Variants in CD8B2 observed in about 807,000 individuals in gnomAD.
The protein encoded by CD8B2 is CD8B family member 2, also known as T-cell surface glycoprotein CD8 beta-2 chain.
Under a neutral mutation model 23.7 loss-of-function variants are expected in CD8B2, and 11 were observed. The ratio of observed to expected loss-of-function variants is 0.46; its 90% CI spans 0.29 to 0.77. The LOEUF (loss-of-function observed/expected upper bound fraction) is 0.77. Ranked by LOEUF, CD8B2 falls within the 30% of genes least tolerant of loss-of-function variation. The pLI is 0.09. For synonymous variants in CD8B2, 90 were observed against 109.3 expected (o/e 0.82, Z 1.10); for missense variants, 197 against 270.5 (o/e 0.73, Z 1.91).
chr2:106,518,712 T>A (rs1354063579), intron 5 of CD8B2, among the ~76,000 whole-genome samples: 1 of 151,050 alleles, frequency 6.6e-6, no homozygotes, highest in Non-Finnish European at 1.5e-5. Flanking sequence ...GCTCCATCTA[T>A]CCTTTCTCCC....
At chr2:106,517,904 C>CG (rs1321695911) in intron 5 of CD8B2, among the ~76,000 whole-genome samples, 2 of 151,996 alleles carry the variant, frequency 1.3e-5, no homozygotes, top group Admixed American at 6.5e-5. Context: ...TTAGTAGAGA[C>CG]GGGGTTTCAC....
chr2:106,527,550 C>T (rs1197622216), intron 5 of CD8B2, among the ~76,000 whole-genome samples: 3 of 152,186 alleles, frequency 2.0e-5, no homozygotes, highest in East Asian at 1.9e-4. Flanking sequence ...TTCGGGAGAC[C>T]GAGGTGGGTG....
intron 5 of CD8B2, among the ~76,000 whole-genome samples, chr2:106,534,677 C>T (rs370715543): frequency 1.6e-4 from 24 of 152,254 alleles, no homozygotes; most frequent in East Asian, 1.2e-3. Flanking sequence ...GAAGGCTGCT[C>T]GGAGGTGCTG....
chr2:106,521,023 GGAGAGAGAGAGA>G (rs70953586), intron 5 of CD8B2, among the ~76,000 whole-genome samples: 1 of 130,416 alleles, frequency 7.7e-6, no homozygotes, highest in African/African-American at 2.9e-5. Context: ...ATGTTTTAAG[GGAGAGAGAGAGA>G]GAGAGAGAGA....
intron 5 of CD8B2, among the ~76,000 whole-genome samples, chr2:106,533,236 G>C (rs921386639): frequency 2.0e-5 from 3 of 152,154 alleles, no homozygotes; most frequent in African/African-American, 7.2e-5. Context: ...GATGGATAGG[G>C]CTCAGGTCAT....
chr2:106,529,299 G>A (rs1241344689), intron 5 of CD8B2, among the ~76,000 whole-genome samples: 2 of 152,226 alleles, frequency 1.3e-5, no homozygotes, highest in Non-Finnish European at 2.9e-5. Context: ...AGCCTGGATG[G>A]GTTTGAAAGC....
intron 5 of CD8B2, among the ~76,000 whole-genome samples, chr2:106,531,729 T>C (rs1448384646): frequency 6.6e-6 from 1 of 152,212 alleles, no homozygotes. Flanking sequence ...CCATGGGCAT[T>C]CCAGTCCAGT....
chr2:106,542,299 CTGACT>C (rs1680186645), intron 5 of CD8B2, among the ~76,000 whole-genome samples: 1 of 152,216 alleles, frequency 6.6e-6, no homozygotes, highest in Non-Finnish European at 1.5e-5. Context: ...GTAACTAGAT[CTGACT>C]TCTCTTGCCA....
intron 5 of CD8B2, chr2:106,543,866 A>G (rs2104579827): frequency 5.5e-6 from 2 of 364,368 alleles, no homozygotes; most frequent in East Asian, 7.5e-5. Flanking sequence ...CACAGGTTCC[A>G]TGAACTTGGA....
chr2:106,527,549 C>T (rs1348890038), intron 5 of CD8B2, among the ~76,000 whole-genome samples: 1 of 152,214 alleles, frequency 6.6e-6, no homozygotes, highest in Admixed American at 6.5e-5. Flanking sequence ...CTTCGGGAGA[C>T]CGAGGTGGGT....
At chr2:106,528,413 A>T (rs924329616) in intron 5 of CD8B2, among the ~76,000 whole-genome samples, 2 of 151,934 alleles carry the variant, frequency 1.3e-5, no homozygotes, top group African/African-American at 4.8e-5. Context: ...AGTTAGTTCT[A>T]TATCTACTTG....
At chr2:106,490,530 C>T (rs1679172599) in intron 1 of CD8B2, among the ~76,000 whole-genome samples, 1 of 152,118 alleles carries the variant, frequency 6.6e-6, no homozygotes, top group Admixed American at 6.6e-5. Flanking sequence ...ATAACAAGAC[C>T]CCATGTCTTT....
At position 106,508,584 on chromosome 2, in the gene CD8B2, T is replaced by C. The variant is rs1228712494; in HGVS notation, c.*1644T>C. 5 of 152,092 alleles carry C rather than the reference T, an allele frequency of 3.3e-5. No homozygotes were observed. The highest frequency in any genetic ancestry group is 6.5e-5 in the Admixed American group (1 of 15,270). 9.4% of individuals were successfully genotyped at this position (152,092 alleles called of 1,614,324 possible). On this transcript the variant is annotated 3_prime_UTR_variant, in exon 6 of 6. Transcript: ENST00000643224. Reference sequence around the variant, plus strand: ...CAGCAAAAGGAAGAATTTATTGAAGTGAGAAAGCACTCCACATGGTAGGAG... The same window carrying C: ...CAGCAAAAGGAAGAATTTATTGAAGCGAGAAAGCACTCCACATGGTAGGAG...
At chr2:106,532,662 C>A (rs1449240254) in intron 5 of CD8B2, among the ~76,000 whole-genome samples, 5 of 152,150 alleles carry the variant, frequency 3.3e-5, no homozygotes, top group African/African-American at 9.7e-5. Context: ...GAATTCCTTC[C>A]ATTTTTAGAC....
In CD8B2 at chr2:106,540,023, G is replaced by A. The variant is rs549297013; in HGVS notation, c.621-3969G>A. 2.6e-5 allele frequency among the ~76,000 whole-genome samples: 4 copies of A among 152,160 alleles called. No homozygotes were observed. The South Asian group carries it at 8.3e-4, about 32-fold the overall frequency. On this transcript the variant is annotated intron_variant, in intron 5 of 5. Transcript: ENST00000416057. The stretch of plus-strand genomic sequence containing the variant: ...TTTGAGTGGAAATTATATACTTCAT[G>A]TTATGTAGATGAAGTTAGGGTGGAT...
In CD8B2 at chr2:106,509,746, T is replaced by C. The variant is rs1401134637; in HGVS notation, c.*2806T>C. ...CCTTTGTTTGAAGAAGGAACTGAGC[T>C]GCTACTACACTCTATAGGGCCATTA... On this transcript the variant is annotated 3_prime_UTR_variant, in exon 6 of 6. Transcript: ENST00000643224. The C allele has an allele frequency of 6.6e-6, 1 of 152,202 alleles. No individual in the cohort carries two copies. Among genetic ancestry groups the C allele is most frequent in the Non-Finnish European group, 1.5e-5 (1 of 68,030 alleles). 9.4% of individuals were successfully genotyped at this position (152,202 alleles called of 1,614,324 possible).
chr2:106,511,965 C>T (rs577017174), downstream of CD8B2, among the ~76,000 whole-genome samples: 1 of 152,356 alleles, frequency 6.6e-6, no homozygotes, highest in South Asian at 2.1e-4. Flanking sequence ...ACTGTTGGCT[C>T]TCCTGGATCC....
intron 5 of CD8B2, among the ~76,000 whole-genome samples, chr2:106,532,469 T>C (rs1477688974): frequency 6.6e-6 from 1 of 152,294 alleles, no homozygotes; most frequent in African/African-American, 2.4e-5. Flanking sequence ...CGAGTCCATA[T>C]AGTAAAGTGA....
At chr2:106,512,941 C>T (rs1679662811), downstream of CD8B2, among the ~76,000 whole-genome samples, 1 of 152,160 alleles carries the variant, frequency 6.6e-6, no homozygotes. Context: ...TGTAGGGGTC[C>T]TCTGGCTCTT....
Sources: allele counts gnomAD v4.1 joint callset (sites outside exome capture counted in the v4.1 genomes callset), GRCh38; gene constraint gnomAD v4.1.1; transcripts MANE v1.5; gene names NCBI Gene and HGNC (gene_info 2026-07-23, HGNC 2026-07-21).